CCDC187: variants seen among roughly 807,000 people sequenced by gnomAD.
CCDC187 encodes coiled-coil domain-containing protein 187.
A neutral mutation model predicts 38.0 loss-of-function variants in CCDC187; 32 were observed. That is an observed-to-expected ratio of 0.84 (90% CI 0.64 to 1.13). The LOEUF (loss-of-function observed/expected upper bound fraction) is 1.13, where lower values mean the gene tolerates loss of function less well. CCDC187 is among the 50% of genes most tolerant of loss of function. CCDC187 has a pLI of 0.00. For synonymous variants in CCDC187, 333 were observed against 347.9 expected, an observed-to-expected ratio of 0.96 and a Z score of 0.48; for missense variants, 707 against 786.8, an observed-to-expected ratio of 0.90 and a Z score of 1.21.
At chr9:136,261,528 C>T (rs1220444170) in intron 19 of CCDC187, among the ~76,000 whole-genome samples, 3 of 152,200 alleles carry the variant, frequency 2.0e-5, no homozygotes, top group Non-Finnish European at 2.9e-5. Context: ...GACCAAGGGG[C>T]GGTATTTGGC....
intron 18 of CCDC187, among the ~76,000 whole-genome samples, chr9:136,262,976 T>C (rs952830749): frequency 1.3e-5 from 2 of 152,122 alleles, no homozygotes; most frequent in African/African-American, 4.8e-5. Flanking sequence ...ATGCAGCTGC[T>C]GCTTGGGGTC....
Position 136,302,927 on chromosome 9 carries a change from C to T in CCDC187, c.510G>A (p.Ala170=), listed in dbSNP as rs990216619. The part of the protein sequence containing the change: ...RAQAWQQGSC[A]SLGTSAPSSA... ...TGGAGGGGGCTGAGGTGCCCAGGGA[C>T]GCACAGCTCCCCTGCTGCCACGCCT... Residue 170 remains alanine (A), a synonymous_variant, in exon 2 of 26, where the codon GCG becomes GCA. Transcript: ENST00000638797. The T allele has an allele frequency of 8.3e-5, 33 of 398,660 alleles. 1 individual carries two copies. The highest frequency in any genetic ancestry group is 3.5e-4 in the Admixed American group (8 of 22,740). 24.7% of individuals were successfully genotyped at this position (398,660 alleles called of 1,614,324 possible).
chr9:136,283,561 C>T (rs1831098166), intron 9 of CCDC187, among the ~76,000 whole-genome samples: 3 of 152,246 alleles, frequency 2.0e-5, no homozygotes, highest in Non-Finnish European at 4.4e-5. Flanking sequence ...ATGATTCCGC[C>T]TCCTGCTGTC....
At chr9:136,303,340 G>T (rs1305735213) in intron 1 of CCDC187, 47 bp from the exon 2 acceptor site, 1 of 395,754 alleles carries the variant, frequency 2.5e-6, no homozygotes, top group African/African-American at 2.1e-5. Flanking sequence ...AGGCGCAGAG[G>T]TGCCGAGCAG....
In CCDC187 at chr9:136,285,297, G is replaced by A. The variant is rs926066797; in HGVS notation, c.2927+216C>T. Among the ~76,000 whole-genome samples the A allele has an allele frequency of 4.7e-4, 72 of 152,262 alleles. No individual in the cohort carries two copies. In the East Asian group the frequency reaches 0.013, roughly 27 times the overall value. On this transcript the variant is annotated intron_variant, in intron 9 of 25. Coordinates refer to ENST00000638797, the MANE Select transcript of CCDC187 (RefSeq NM_001378188.1). ...GGCATTCGTGGGGGGAGTGTCTGAC[G>A]CGGGGCTTCCCTGCCCCGGCCAGCG...
At chr9:136,270,165 C>G (rs1554762193) in intron 14 of CCDC187, among the ~76,000 whole-genome samples, 1 of 152,178 alleles carries the variant, frequency 6.6e-6, no homozygotes, top group Non-Finnish European at 1.5e-5. Flanking sequence ...AGGTGTTCTC[C>G]CCATGTGCGG....
intron 2 of CCDC187, among the ~76,000 whole-genome samples, chr9:136,300,862 A>G (rs1476672722): frequency 6.6e-6 from 1 of 152,216 alleles, no homozygotes; most frequent in Non-Finnish European, 1.5e-5. Flanking sequence ...CAGCCTCCCA[A>G]AGTGCTGGGA....
At chr9:136,297,063 C>T (rs996860669) in intron 4 of CCDC187, among the ~76,000 whole-genome samples, 25 of 152,190 alleles carry the variant, frequency 1.6e-4, no homozygotes, top group African/African-American at 2.4e-4. Context: ...ACGGCTCCCT[C>T]GGCCAAGCGT....
At position 136,286,172 on chromosome 9, in the gene CCDC187, G is replaced by A. The variant is rs1378134178; in HGVS notation, c.2746C>T (p.Leu916=). The change falls in exon 8 of 26, where the codon CTG becomes TTG. Residue 916 remains leucine, a synonymous_variant. Transcript: ENST00000638797. ...CCCCACGACAGTGTCTCGCCGTCCAGGAAGTAGGTCGGGGGCAGAAGGGGC... is the reference window on the plus strand; with the variant it reads ...CCCCACGACAGTGTCTCGCCGTCCAAGAAGTAGGTCGGGGGCAGAAGGGGC... The part of the protein sequence containing the change: ...PQPLLPPTYF[L]DGETLSWGPS... 8 of 398,502 alleles carry A rather than the reference G, an allele frequency of 2.0e-5. No homozygotes were observed. The highest frequency in any genetic ancestry group is 1.4e-4 in the African/African-American group (7 of 48,656). 24.7% of individuals were successfully genotyped at this position (398,502 alleles called of 1,614,324 possible). A position where few individuals can be genotyped will look rare whatever the true frequency, so the allele number is the denominator to read the frequency against.
At chr9:136,272,010 C>A (rs1198685881) in intron 14 of CCDC187, among the ~76,000 whole-genome samples, 1 of 152,060 alleles carries the variant, frequency 6.6e-6, no homozygotes, top group African/African-American at 2.4e-5. Context: ...AGCAAGAAGA[C>A]AATGGAGCAA....
At chr9:136,255,785 C>T (rs2131107073) in intron 24 of CCDC187, 52 bp from the exon 25 acceptor site, 1 of 913,540 alleles carries the variant, frequency 1.1e-6, no homozygotes, top group Non-Finnish European at 1.3e-6. Flanking sequence ...CTCCTGGCCT[C>T]TTCCCCAGGG....
Position 136,291,523 on chromosome 9 carries a change from G to T in CCDC187, c.1090C>A (p.Gln364Lys). Residue 364 changes from glutamine (Q) to lysine (K), a missense_variant, in exon 6 of 26, where the codon CAG becomes AAG. Transcript: ENST00000638797. ...GNTPSLASFDQPATIQTAMAI... is the reference protein window; with the variant it reads ...GNTPSLASFDKPATIQTAMAI... The stretch of plus-strand genomic sequence containing the variant: ...ATGGCCGTCTGTATGGTCGCTGGCT[G>T]GTCGAAGGAAGCCAGGCTGGGTGTG... 1 of 398,766 alleles carries T rather than the reference G, an allele frequency of 2.5e-6. No homozygotes were observed. Among genetic ancestry groups the T allele is most frequent in the Non-Finnish European group, 4.4e-6 (1 of 226,146 alleles). 24.7% of individuals were successfully genotyped at this position (398,766 alleles called of 1,614,324 possible).
chr9:136,266,760 T>C (rs1264401412), intron 16 of CCDC187: 1 of 152,254 alleles, frequency 6.6e-6, no homozygotes, highest in East Asian at 1.9e-4. Context: ...ATTTGCAAGT[T>C]GAAATAGCCA....
Position 136,291,168 on chromosome 9 carries a change from C to G in CCDC187, c.1445G>C (p.Arg482Thr), listed in dbSNP as rs1264403124. Residue 482 changes from arginine to threonine, a missense_variant, in exon 6 of 26, where the codon AGG (arginine) becomes ACG (threonine). Arg to Thr is a moderately conservative substitution (Grantham distance 71). Coordinates refer to ENST00000638797, the MANE Select transcript of CCDC187 (RefSeq NM_001378188.1). ...GGGCCTCTGGGAGAAGTGGCCCAAC[C>G]TCTCATGGGGACTCTCCGGCCTCTG... The part of the protein sequence containing the change: ...SFQRPESPHE[R>T]LGHFSQRPWS... The G allele has an allele frequency of 2.5e-6, 1 of 398,438 alleles. No homozygotes were observed. The highest frequency in any genetic ancestry group is 2.1e-5 in the African/African-American group (1 of 48,580). 24.7% of individuals were successfully genotyped at this position (398,438 alleles called of 1,614,324 possible).
intron 14 of CCDC187, among the ~76,000 whole-genome samples, chr9:136,269,019 G>C (rs782309163): frequency 3.4e-4 from 51 of 152,204 alleles, no homozygotes; most frequent in Non-Finnish European, 4.3e-4. Context: ...GAGTCGCACA[G>C]AGAGAGGACC....
At position 136,251,374 on chromosome 9, in the gene CCDC187, G is replaced by A. The variant is rs983836868; in HGVS notation, c.*2220C>T. The A allele has an allele frequency of 2.6e-5, 7 of 268,030 alleles. No individual in the cohort carries two copies. The highest frequency in any genetic ancestry group is 6.6e-5 in the African/African-American group (3 of 45,576). The allele number at this position is 268,030 out of a possible 1,614,324, so 16.6% of individuals were successfully genotyped here. A position where few individuals can be genotyped will look rare whatever the true frequency, so the allele number is the denominator to read the frequency against. ...CCAGAGGAAAAGCCCCCGGCCGTGC[G>A]GGCTGCGCAGAAATGACCTTGGGCC... On this transcript the variant is annotated 3_prime_UTR_variant, in exon 26 of 26. Coordinates refer to ENST00000638797, the MANE Select transcript of CCDC187 (RefSeq NM_001378188.1).
rs369435340 is a variant in CCDC187, at chr9:136,254,403, C to T, written c.5425G>A (p.Gly1809Arg). The T allele has an allele frequency of 1.6e-5, 16 of 985,018 alleles. No homozygotes were observed. The East Asian group carries it at 6.8e-4, about 42-fold the overall frequency. 61.0% of individuals were successfully genotyped at this position (985,018 alleles called of 1,614,324 possible). Reference sequence around the variant, plus strand: ...GTCCCAGAAGCTTCCCGCCCCTCCCCGGACCGTGGGGAGGGAGGAGCCACC... The same window carrying T: ...GTCCCAGAAGCTTCCCGCCCCTCCCTGGACCGTGGGGAGGGAGGAGCCACC... ...PQVAPPSPRSGEGREASGTSE... is the reference protein window; with the variant it reads ...PQVAPPSPRSREGREASGTSE... Residue 1809 changes from glycine to arginine, a missense_variant, in exon 26 of 26, where the codon GGG (glycine) becomes AGG (arginine). Transcript: ENST00000638797.
chr9:136,286,349 G>C lies in CCDC187; in HGVS notation c.2569C>G (p.Pro857Ala), dbSNP rs1217199976. 19 of 398,494 alleles carry C rather than the reference G, an allele frequency of 4.8e-5. No individual in the cohort carries two copies. Among genetic ancestry groups the C allele is most frequent in the Non-Finnish European group, 8.4e-5 (19 of 226,038 alleles). 24.7% of individuals were successfully genotyped at this position (398,494 alleles called of 1,614,324 possible). ...CACGAGCGCAGCAGGCCCACAGCTGGGTCCCTGACGGTGTCCAGCGCTTCG... is the reference window on the plus strand; with the variant it reads ...CACGAGCGCAGCAGGCCCACAGCTGCGTCCCTGACGGTGTCCAGCGCTTCG... ...GAEALDTVRD[P>A]AVGLLRSCPH... The change falls in exon 8 of 26, where the codon CCA (proline) becomes GCA (alanine). Residue 857 changes from proline (P) to alanine (A), a missense_variant. Physicochemically the swap from Pro to Ala is conservative, Grantham distance 27. Transcript: ENST00000638797.
intron 4 of CCDC187, among the ~76,000 whole-genome samples, chr9:136,293,720 GCTCA>G (rs1441564852): frequency 7.3e-5 from 11 of 150,620 alleles, no homozygotes; most frequent in East Asian, 2.0e-4. Flanking sequence ...GCTTTCACAT[GCTCA>G]CTCATGCATT....
Sources: gnomAD v4.1 joint callset for allele counts (sites outside exome capture counted in the v4.1 genomes callset) on GRCh38, gnomAD v4.1.1 for gene constraint, MANE v1.5 for transcripts, NCBI Gene and HGNC (gene_info 2026-07-23, HGNC 2026-07-21) for gene names.